The following USP1 variants were observed in gnomAD, a reference collection of about 807,000 sequenced individuals.
USP1 encodes ubiquitin carboxyl-terminal hydrolase 1.
A neutral mutation model predicts 72.2 loss-of-function variants in USP1; 18 were observed. That is an observed-to-expected ratio of 0.25 (90% CI 0.17 to 0.37). The LOEUF (loss-of-function observed/expected upper bound fraction) is 0.37, where lower values mean the gene tolerates loss of function less well. USP1 is among the 10% of genes least tolerant of loss of function. The pLI is 1.00. For missense variants in USP1, 759 were observed against 884.9 expected (o/e 0.86, Z 1.81); for synonymous variants, 354 against 303.7 (o/e 1.17, Z -1.72).
chr1:62,443,143 G>A lies in USP1; in HGVS notation c.397-16G>A, dbSNP rs766335535. ...TGTTCATAAAATTATTGGTTTGTGT[G>A]TTTCTTTCTTGACAGGGAAATTGCA... On this transcript the variant is annotated splice_polypyrimidine_tract_variant and intron_variant, in intron 4 of 8. Coordinates refer to ENST00000339950, the MANE Select transcript of USP1 (RefSeq NM_003368.5). 2.5e-6 allele frequency: 4 copies of A among 1,605,140 alleles called. No individual in the cohort carries two copies. The South Asian group carries it at 3.4e-5, about 13-fold the overall frequency.
intron 7 of USP1, 123 bp downstream of exon 7, chr1:62,447,634 G>A: frequency 9.7e-7 from 1 of 1,028,662 alleles, no homozygotes; most frequent in Non-Finnish European, 1.4e-6. Flanking sequence ...AGTGTCTAAT[G>A]TAACCTTTCT....
In USP1 at chr1:62,439,872, C is replaced by T. The variant is rs752593137; in HGVS notation, c.5C>T (p.Pro2Leu). The change falls in exon 2 of 9, where the codon CCT becomes CTT. Residue 2 changes from proline to leucine, a missense_variant. Physicochemically the swap from Pro to Leu is moderately conservative, Grantham distance 98. Transcript: ENST00000339950. ...CCTTGGGATTTGAAGAAAAAAATGC[C>T]TGGTGTCATACCTAGTGAAAGTAAT... is the stretch of plus-strand genomic sequence containing the variant. M[P>L]GVIPSESNGL... 1 of 1,409,018 alleles carries T rather than the reference C, an allele frequency of 7.1e-7. No individual in the cohort carries two copies. Among genetic ancestry groups the T allele is most frequent in the South Asian group, 1.8e-5 (1 of 55,880 alleles). 87.3% of individuals were successfully genotyped at this position (1,409,018 alleles called of 1,614,324 possible).
chr1:62,444,673 T>C, intron 5 of USP1, 65 bp from the exon 6 acceptor site: 7 of 1,217,758 alleles, frequency 5.7e-6, no homozygotes, highest in Middle Eastern at 2.4e-4. Flanking sequence ...AATTAATTTC[T>C]ATATAGGCTT....
At position 62,441,227 on chromosome 1, in the gene USP1, CTG is replaced by C. The variant is rs368720411; in HGVS notation, c.171-259_171-258del. Among the ~76,000 whole-genome samples the C allele has an allele frequency of 4.7e-4, 71 of 152,256 alleles. No homozygotes were observed. In the East Asian group the frequency reaches 0.012, roughly 26 times the overall value. On this transcript the variant is annotated intron_variant, in intron 2 of 8. Transcript: ENST00000339950. ...TCTCTCAGTTCCTCAATTTTCTACTCTGTAAAATAGGATTAACATCCTTTTAA... is the reference window on the plus strand; with the variant it reads ...TCTCTCAGTTCCTCAATTTTCTACTCTAAAATAGGATTAACATCCTTTTAA...
intron 1 of USP1, 75 bp downstream of exon 1, chr1:62,437,475 C>T (rs558471294): frequency 1.5e-3 from 453 of 299,710 alleles, no homozygotes; most frequent in African/African-American, 9.0e-3. Context: ...GAGGAGCTGC[C>T]GGGGAGACCC....
chr1:62,440,142 G>A, intron 2 of USP1, 105 bp downstream of exon 2: 2 of 1,018,330 alleles, frequency 2.0e-6, no homozygotes, highest in Non-Finnish European at 2.7e-6. Context: ...GCACAAAAAA[G>A]TACGCTTCAG....
At chr1:62,447,575 A>C in intron 7 of USP1, 64 bp downstream of exon 7, 1 of 1,526,522 alleles carries the variant, frequency 6.6e-7, no homozygotes, top group Admixed American at 2.1e-5. Flanking sequence ...AACAACACAA[A>C]GTTTAATAGT....
At chr1:62,447,006 G>T (rs1481098331) in intron 6 of USP1, among the ~76,000 whole-genome samples, 1 of 152,030 alleles carries the variant, frequency 6.6e-6, no homozygotes, top group African/African-American at 2.4e-5. Context: ...TGGAGACAGG[G>T]TTTCTCCATG....
chr1:62,449,954 A>G (rs777110429), intron 8 of USP1, among the ~76,000 whole-genome samples: 18 of 151,672 alleles, frequency 1.2e-4, no homozygotes, highest in Non-Finnish European at 2.4e-4. Flanking sequence ...GGTTCAGTCT[A>G]TTTAAAATAC....
rs1271136777 is a variant in USP1 at position 62,445,184 on chromosome 1, C to T, written c.1004C>T (p.Ser335Leu). The T allele has an allele frequency of 1.2e-6, 2 of 1,611,928 alleles. No homozygotes were observed. The highest frequency in any genetic ancestry group is 2.7e-5 in the African/African-American group (2 of 74,696). ...AGTCCAAGACCCTCACAAAAGAAAT[C>T]AAGAGTTAAAATAAATTGGTTAAAG... ...NESPRPSQKK[S>L]RVKINWLKSA... Residue 335 changes from serine to leucine, a missense_variant, in exon 6 of 9, where the codon TCA (serine) becomes TTA (leucine). This residue lies in a region of USP1 where 245 missense variants were observed against 240.7 expected (regional missense o/e 1.02). Coordinates refer to ENST00000339950, the MANE Select transcript of USP1 (RefSeq NM_003368.5).
At chr1:62,436,806 C>G (rs1033847129), upstream of USP1, 5 of 264,990 alleles carry the variant, frequency 1.9e-5, no homozygotes, top group Non-Finnish European at 2.8e-5. Flanking sequence ...AGGACCCGCA[C>G]GAGCTGCCCG....
intron 4 of USP1, among the ~76,000 whole-genome samples, chr1:62,442,823 C>T (rs1356272242): frequency 6.6e-6 from 1 of 151,894 alleles, no homozygotes; most frequent in African/African-American, 2.4e-5. Context: ...GGTAACATGG[C>T]AAGACCCTGT....
Sources: gnomAD v4.1 joint callset for allele counts (sites outside exome capture counted in the v4.1 genomes callset) on GRCh38, gnomAD v4.1.1 for gene constraint, gnomAD v4.1.1 regional missense constraint, MANE v1.5 for transcripts, NCBI Gene and HGNC (gene_info 2026-07-23, HGNC 2026-07-21) for gene names.